Variants in IPO11 observed in about 807,000 individuals in gnomAD.
IPO11 encodes importin-11.
Under a neutral mutation model 143.2 loss-of-function variants are expected in IPO11, and 66 were observed. That is an observed-to-expected ratio of 0.46 (90% CI 0.38 to 0.57). The LOEUF (loss-of-function observed/expected upper bound fraction) is 0.57. IPO11 is among the 20% of genes least tolerant of loss of function. The pLI, the probability that IPO11 is intolerant of heterozygous loss-of-function variation, is 0.00. For synonymous variants in IPO11, 385 were observed against 377.8 expected, an observed-to-expected ratio of 1.02 and a Z score of -0.22; for missense variants, 1,026 against 1,141.0, an observed-to-expected ratio of 0.90 and a Z score of 1.45.
intron 5 of IPO11, among the ~76,000 whole-genome samples, chr5:62,458,176 T>A (rs1179725196): frequency 6.6e-6 from 1 of 151,648 alleles, no homozygotes; most frequent in African/African-American, 2.4e-5. Context: ...GATAAATGCC[T>A]TTGTGAGCAA....
In IPO11 at chr5:62,627,486, C is replaced by G. The variant is rs186945928; in HGVS notation, c.*168C>G. On this transcript the variant is annotated 3_prime_UTR_variant, in exon 30 of 30. Transcript: ENST00000325324. ...AAGGATAAATGTAAATCCTGCATAA[C>G]TAAAATCACAAACCTATTCCTCAAA... The G allele has an allele frequency of 1.8e-6, 1 of 561,960 alleles. No individual in the cohort carries two copies. Among genetic ancestry groups the G allele is most frequent in the Non-Finnish European group, 2.9e-6 (1 of 343,118 alleles). 34.8% of individuals were successfully genotyped at this position (561,960 alleles called of 1,614,324 possible).
chr5:62,433,272 G>A (rs1488736467), intron 1 of IPO11, among the ~76,000 whole-genome samples: 2 of 151,768 alleles, frequency 1.3e-5, no homozygotes, highest in Non-Finnish European at 2.9e-5. Flanking sequence ...ATATTCTGAA[G>A]AACATTGTTA....
At chr5:62,602,815 T>G (rs1300098348) in intron 29 of IPO11, among the ~76,000 whole-genome samples, 1 of 152,174 alleles carries the variant, frequency 6.6e-6, no homozygotes, top group Non-Finnish European at 1.5e-5. Flanking sequence ...ATCCAAAGAT[T>G]CTTAAGACCT....
intron 2 of IPO11, among the ~76,000 whole-genome samples, chr5:62,441,408 G>A (rs1377172319): frequency 6.7e-6 from 1 of 149,960 alleles, no homozygotes; most frequent in African/African-American, 2.5e-5. Flanking sequence ...TGTTGGTCAG[G>A]CTGGTCTTGA....
At chr5:62,611,835 C>G (rs531398152) in intron 29 of IPO11, among the ~76,000 whole-genome samples, 1 of 152,160 alleles carries the variant, frequency 6.6e-6, no homozygotes, top group South Asian at 2.1e-4. Context: ...CTGTTTTTCT[C>G]TTCTGCTTCT....
At chr5:62,502,326 T>A (rs1327010667) in intron 16 of IPO11, among the ~76,000 whole-genome samples, 2 of 152,192 alleles carry the variant, frequency 1.3e-5, no homozygotes, top group Non-Finnish European at 2.9e-5. Flanking sequence ...ACTCCACAAG[T>A]CTTCATTCTA....
At chr5:62,494,188 T>C in intron 16 of IPO11, 64 bp downstream of exon 16, 1 of 1,421,470 alleles carries the variant, frequency 7.0e-7, no homozygotes, top group South Asian at 1.4e-5. Flanking sequence ...AATCATCAAG[T>C]TCACAACAGT....
intron 1 of IPO11, among the ~76,000 whole-genome samples, chr5:62,430,255 G>A (rs1346206487): frequency 1.3e-5 from 2 of 152,208 alleles, no homozygotes; most frequent in East Asian, 3.8e-4. Flanking sequence ...GGAACTGCCA[G>A]ACTTTTCCAA....
intron 9 of IPO11, among the ~76,000 whole-genome samples, chr5:62,481,082 A>AT (rs1220176105): frequency 5.3e-5 from 8 of 149,612 alleles, no homozygotes; most frequent in African/African-American, 2.0e-4. Flanking sequence ...TGCCCGGCTA[A>AT]TTTTTTTTTG....
intron 29 of IPO11, among the ~76,000 whole-genome samples, chr5:62,609,963 G>T (rs1176962077): frequency 1.3e-5 from 2 of 152,220 alleles, no homozygotes; most frequent in African/African-American, 4.8e-5. Context: ...ATTGGATGTG[G>T]CTGTTGGCGA....
At chr5:62,596,271 A>G (rs1482107846) in intron 28 of IPO11, among the ~76,000 whole-genome samples, 1 of 151,094 alleles carries the variant, frequency 6.6e-6, no homozygotes, top group Non-Finnish European at 1.5e-5. Flanking sequence ...CCTGTCTCAA[A>G]AAAAAAAAAA....
At chr5:62,624,585 T>A (rs1218870999) in intron 29 of IPO11, among the ~76,000 whole-genome samples, 1 of 152,192 alleles carries the variant, frequency 6.6e-6, no homozygotes, top group Non-Finnish European at 1.5e-5. Flanking sequence ...CTTTATGACC[T>A]GTATCTTGTG....
At chr5:62,615,001 A>T (rs74647769) in intron 29 of IPO11, among the ~76,000 whole-genome samples, 1 of 151,996 alleles carries the variant, frequency 6.6e-6, no homozygotes, top group East Asian at 1.9e-4. Flanking sequence ...CCGAACTCCT[A>T]TTGGCGTTCT....
intron 9 of IPO11, among the ~76,000 whole-genome samples, chr5:62,477,412 T>A (rs183071814): frequency 6.6e-6 from 1 of 152,132 alleles, no homozygotes; most frequent in East Asian, 1.9e-4. Context: ...AGGGTAGGGG[T>A]TGCTTATTCC....
chr5:62,531,338 AT>A (rs1209481797), intron 22 of IPO11, among the ~76,000 whole-genome samples: 1 of 151,740 alleles, frequency 6.6e-6, no homozygotes, highest in Non-Finnish European at 1.5e-5. Context: ...TCATCTGGCT[AT>A]TTTTTTCTTT....
chr5:62,495,669 C>T (rs569541313), intron 16 of IPO11, among the ~76,000 whole-genome samples: 26 of 152,060 alleles, frequency 1.7e-4, no homozygotes, highest in African/African-American at 5.8e-4. Flanking sequence ...TGGTATGTTG[C>T]CACATTGCCC....
At chr5:62,558,092 G>A (rs180954321) in intron 26 of IPO11, among the ~76,000 whole-genome samples, 4 of 152,312 alleles carry the variant, frequency 2.6e-5, no homozygotes, top group African/African-American at 9.6e-5. Flanking sequence ...CTGATACTCA[G>A]CTGATAGATG....
chr5:62,458,205 T>C (rs1745232627), intron 5 of IPO11, among the ~76,000 whole-genome samples: 1 of 151,770 alleles, frequency 6.6e-6, no homozygotes, highest in Admixed American at 6.6e-5. Context: ...ATAGGTTTAA[T>C]AGATCTTATT....
rs138453378 is a variant in IPO11, at chr5:62,584,778, C to T, written c.2583-6799C>T. Reference sequence around the variant, plus strand: ...TTTTTTTTTTAAGTGCCCACTACCACTGGTCATCACTTTGCTGAAGCTGAT... The same window carrying T: ...TTTTTTTTTTAAGTGCCCACTACCATTGGTCATCACTTTGCTGAAGCTGAT... On this transcript the variant is annotated intron_variant, in intron 27 of 29. Transcript: ENST00000325324. 2.0e-4 allele frequency among the ~76,000 whole-genome samples: 30 copies of T among 149,818 alleles called. No individual in the cohort carries two copies. The East Asian group carries it at 5.1e-3, about 25-fold the overall frequency.
Sources: allele counts gnomAD v4.1 joint callset (sites outside exome capture counted in the v4.1 genomes callset), GRCh38; gene constraint gnomAD v4.1.1; transcripts MANE v1.5; gene names NCBI Gene and HGNC (gene_info 2026-07-23, HGNC 2026-07-21).